The following DENND2B variants were observed in gnomAD, a reference collection of about 807,000 sequenced individuals.
The protein encoded by DENND2B is DENN domain-containing protein 2B.
DENND2B carries 32 observed loss-of-function variants against 116.0 expected under a neutral mutation model. The ratio of observed to expected loss-of-function variants is 0.28; its 90% confidence interval spans 0.21 to 0.37. DENND2B has a LOEUF of 0.37. Among genes scored for constraint, DENND2B ranks in the 10% least tolerant of loss-of-function variants. The probability of loss-of-function intolerance (pLI) is 1.00; values close to 1 mark genes in which losing one functional copy is unlikely to be tolerated. For missense variants in DENND2B, 1,276 were observed against 1,477.7 expected (o/e 0.86, Z 2.24); for synonymous variants, 588 against 583.9 (o/e 1.01, Z -0.10).
intron 5 of DENND2B, among the ~76,000 whole-genome samples, chr11:8,716,396 C>A (rs1056998839): frequency 6.6e-6 from 1 of 152,196 alleles, no homozygotes; most frequent in African/African-American, 2.4e-5. Flanking sequence ...CTCTCCCCAG[C>A]CCTGATCTAC....
chr11:8,752,245 G>C (rs886604726), intron 1 of DENND2B, among the ~76,000 whole-genome samples: 1 of 152,212 alleles, frequency 6.6e-6, no homozygotes, highest in Non-Finnish European at 1.5e-5. Context: ...TTGAGGTCAG[G>C]AGTTCAGACC....
intron 17 of DENND2B, among the ~76,000 whole-genome samples, chr11:8,697,222 G>T (rs1229204411): frequency 6.6e-6 from 1 of 152,262 alleles, no homozygotes; most frequent in Non-Finnish European, 1.5e-5. Context: ...CTCACCCTAA[G>T]TGATTTTTCT....
chr11:8,758,280 C>T (rs1436713281), intron 1 of DENND2B, among the ~76,000 whole-genome samples: 1 of 152,158 alleles, frequency 6.6e-6, no homozygotes, highest in East Asian at 1.9e-4. Context: ...CTTCCTCCTA[C>T]CCCCATCCCA....
intron 13 of DENND2B, among the ~76,000 whole-genome samples, chr11:8,706,206 C>A (rs2042573667): frequency 6.6e-6 from 1 of 152,206 alleles, no homozygotes; most frequent in Non-Finnish European, 1.5e-5. Flanking sequence ...GATAGCACCA[C>A]TGCACTCCAG....
intron 3 of DENND2B, chr11:8,857,216 C>CT (rs977286890): frequency 6.6e-6 from 1 of 152,184 alleles, no homozygotes; most frequent in African/African-American, 2.4e-5. Context: ...TCCCCAAACT[C>CT]TATTAGAAAG....
intron 1 of DENND2B, among the ~76,000 whole-genome samples, chr11:8,754,898 T>C (rs1247997112): frequency 1.3e-5 from 2 of 152,094 alleles, no homozygotes; most frequent in Admixed American, 1.3e-4. Flanking sequence ...CTGATAGGAG[T>C]ACGGGGTTTC....
At chr11:8,900,240 AC>A (rs1311043613) in intron 1 of DENND2B, among the ~76,000 whole-genome samples, 1 of 151,152 alleles carries the variant, frequency 6.6e-6, no homozygotes, top group Non-Finnish European at 1.5e-5. Context: ...CCTGGCTAAC[AC>A]GGTGAAACCC....
At position 8,893,398 on chromosome 11, in the gene DENND2B, G is replaced by A. The variant is rs553784341; in HGVS notation, c.-255-12289C>T. Among the ~76,000 whole-genome samples the A allele has an allele frequency of 2.0e-5, 3 of 152,160 alleles. No individual in the cohort carries two copies. The East Asian group carries it at 5.8e-4, about 29-fold the overall frequency. On this transcript the variant is annotated intron_variant, in intron 1 of 22. Coordinates refer to the DENND2B transcript ENST00000534127. ...ACATAGTGTTGAAAGTTCTGGCCAGGGCAATCAGGCAGGAGAAAGAAATAA... is the reference window on the plus strand; with the variant it reads ...ACATAGTGTTGAAAGTTCTGGCCAGAGCAATCAGGCAGGAGAAAGAAATAA...
chr11:8,748,124 T>C (rs1435473803), intron 2 of DENND2B, among the ~76,000 whole-genome samples: 1 of 152,166 alleles, frequency 6.6e-6, no homozygotes, highest in Non-Finnish European at 1.5e-5. Context: ...GTCCCCGACG[T>C]AGCCAAAGTG....
intron 3 of DENND2B, among the ~76,000 whole-genome samples, chr11:8,848,531 A>T (rs188454466): frequency 9.9e-5 from 15 of 152,184 alleles, no homozygotes; most frequent in African/African-American, 3.6e-4. Context: ...ATAACAGATG[A>T]TATTAAGGAA....
chr11:8,708,287 C>T, intron 11 of DENND2B: 8 of 985,478 alleles, frequency 8.1e-6, no homozygotes, highest in Non-Finnish European at 9.6e-6. Flanking sequence ...ATTCGGCATA[C>T]CATTCCTTTT....
At chr11:8,785,694 A>G (rs1316702066) in intron 1 of DENND2B, 1 of 152,258 alleles carries the variant, frequency 6.6e-6, no homozygotes, top group Non-Finnish European at 1.5e-5. Context: ...AAGAGATGAC[A>G]GAGAAGAGAA....
At chr11:8,883,387 T>C (rs1297774837) in intron 1 of DENND2B, among the ~76,000 whole-genome samples, 1 of 152,258 alleles carries the variant, frequency 6.6e-6, no homozygotes, top group African/African-American at 2.4e-5. Flanking sequence ...AAGGGCATTA[T>C]GAAGCTGAAT....
At chr11:8,726,410 G>T in intron 3 of DENND2B, 1 of 584,588 alleles carries the variant, frequency 1.7e-6, no homozygotes, top group Non-Finnish European at 2.9e-6. Context: ...CCTGCAATGT[G>T]CCTTATCCTG....
upstream of DENND2B, among the ~76,000 whole-genome samples, chr11:8,811,760 A>T (rs554768068): frequency 6.6e-6 from 1 of 152,092 alleles, no homozygotes; most frequent in Non-Finnish European, 1.5e-5. Context: ...TAGAGACAGG[A>T]TCTTGCTCCA....
chr11:8,703,789 CAG>C (rs546828662), intron 13 of DENND2B, among the ~76,000 whole-genome samples: 2 of 152,294 alleles, frequency 1.3e-5, no homozygotes, highest in East Asian at 1.9e-4. Context: ...AAAATGGGCA[CAG>C]GGCATGGTAA....
At chr11:8,721,080 A>C (rs1458007507) in intron 4 of DENND2B, among the ~76,000 whole-genome samples, 1 of 152,130 alleles carries the variant, frequency 6.6e-6, no homozygotes, top group African/African-American at 2.4e-5. Context: ...CAGCAAGCCC[A>C]GCTGGAGAAG....
chr11:8,777,211 G>A (rs2057836527), intron 1 of DENND2B, among the ~76,000 whole-genome samples: 2 of 152,150 alleles, frequency 1.3e-5, no homozygotes, highest in Admixed American at 1.3e-4. Context: ...AGAAGCAGCT[G>A]CTATGAGCTT....
intron 1 of DENND2B, among the ~76,000 whole-genome samples, chr11:8,894,679 C>G (rs1173328598): frequency 6.6e-6 from 1 of 152,150 alleles, no homozygotes. Context: ...CAGAGAAATG[C>G]AAATCAAAAC....
Sources: gnomAD v4.1 joint callset for allele counts (sites outside exome capture counted in the v4.1 genomes callset) on GRCh38, gnomAD v4.1.1 for gene constraint, MANE v1.5 for transcripts, NCBI Gene and HGNC (gene_info 2026-07-23, HGNC 2026-07-21) for gene names.